Variants in SVOPL observed in about 807,000 individuals in gnomAD.
SVOPL encodes the protein SVOP like.
In SVOPL, 60 loss-of-function variants were observed where a neutral mutation model predicts 61.0. That is an observed-to-expected ratio of 0.98 (90% CI 0.80 to 1.22). SVOPL has a LOEUF of 1.22. SVOPL is among the 50% of genes most tolerant of loss of function. The pLI, the probability that SVOPL is intolerant of heterozygous loss-of-function variation, is 0.00. For synonymous variants in SVOPL, 279 were observed against 250.0 expected (o/e 1.12, Z -1.09); for missense variants, 662 against 643.9 (o/e 1.03, Z -0.30).
chr7:138,671,264 C>T (rs187732583), intron 4 of SVOPL, among the ~76,000 whole-genome samples: 1 of 152,214 alleles, frequency 6.6e-6, no homozygotes, highest in African/African-American at 2.4e-5. Flanking sequence ...GTCTTCTCAG[C>T]ACACATGCAT....
intron 14 of SVOPL, among the ~76,000 whole-genome samples, chr7:138,615,927 G>A (rs951552599): frequency 6.6e-6 from 1 of 152,030 alleles, no homozygotes; most frequent in Non-Finnish European, 1.5e-5. Context: ...CAAGAAGGTA[G>A]CTGTCTCCAA....
chr7:138,657,535 T>C (rs1801805859), intron 6 of SVOPL, among the ~76,000 whole-genome samples: 1 of 152,178 alleles, frequency 6.6e-6, no homozygotes, highest in South Asian at 2.1e-4. Context: ...AAGGCACAAG[T>C]TTCTAATTAA....
At chr7:138,625,169 A>G (rs1016286841) in intron 13 of SVOPL, 1 of 152,228 alleles carries the variant, frequency 6.6e-6, no homozygotes, top group Admixed American at 6.5e-5. Context: ...GATTTTGTTA[A>G]TGGAACTAAA....
At chr7:138,623,663 C>T (rs996671595) in intron 13 of SVOPL, among the ~76,000 whole-genome samples, 8 of 152,078 alleles carry the variant, frequency 5.3e-5, no homozygotes, top group African/African-American at 1.9e-4. Context: ...GCAAATTCCA[C>T]AATATGTTTG....
rs375683784 is a variant in SVOPL, at chr7:138,622,450, G to A, written c.1264-1315C>T. ...GCTGGGATTACAGGCATGCACCACC[G>A]TGCCTGGCTAATTTTTGTATTTTTA... On this transcript the variant is annotated intron_variant, in intron 13 of 15. Coordinates refer to ENST00000674285, the MANE Select transcript of SVOPL (RefSeq NM_001139456.2). 3.2e-4 allele frequency among the ~76,000 whole-genome samples: 48 copies of A among 150,034 alleles called. No individual in the cohort carries two copies. The South Asian group carries it at 3.6e-3, about 11-fold the overall frequency.
intron 9 of SVOPL, among the ~76,000 whole-genome samples, chr7:138,638,593 C>CA (rs1046903744): frequency 8.1e-4 from 121 of 150,118 alleles, no homozygotes; most frequent in African/African-American, 2.0e-3. Context: ...GACCCCATCA[C>CA]AAAAAACAGC....
intron 1 of SVOPL, among the ~76,000 whole-genome samples, chr7:138,692,694 A>C (rs1802969638): frequency 6.6e-6 from 1 of 152,204 alleles, no homozygotes; most frequent in African/African-American, 2.4e-5. Context: ...TAGAGAAATA[A>C]ATAGAATCTT....
chr7:138,606,430 G>A (rs534123829), intron 14 of SVOPL, among the ~76,000 whole-genome samples: 9 of 152,148 alleles, frequency 5.9e-5, no homozygotes, highest in East Asian at 1.9e-4. Context: ...CCTTATCTGC[G>A]TAGTTACTTG....
chr7:138,620,851 T>C (rs1221378411), intron 14 of SVOPL, among the ~76,000 whole-genome samples, 195 bp downstream of exon 14: 1 of 152,210 alleles, frequency 6.6e-6, no homozygotes, highest in Non-Finnish European at 1.5e-5. Flanking sequence ...TACTACCGAC[T>C]GGAAGGCTGA....
At chr7:138,686,562 GTTTTT>G in intron 1 of SVOPL, among the ~76,000 whole-genome samples, 1 of 66,940 alleles carries the variant, frequency 1.5e-5, no homozygotes. Context: ...TGTTTTTTGG[GTTTTT>G]TTTTTTTTTT....
chr7:138,674,224 C>T (rs1802500622), intron 3 of SVOPL, among the ~76,000 whole-genome samples: 1 of 151,384 alleles, frequency 6.6e-6, no homozygotes, highest in Non-Finnish European at 1.5e-5. Context: ...CACACATACA[C>T]AGAAGACCAG....
rs188074511 is a variant in SVOPL, at chr7:138,659,975, G to A, written c.359C>T (p.Ser120Leu). ...GGAGAAATAGGCTCCCCACAGGAAC[G>A]AGATGAGCAGAATCTGAAGCAACAG... ...RYGRWKILLI[S>L]FLWGAYFSLL... Residue 120 changes from serine (S) to leucine (L), a missense_variant, in exon 6 of 16, where the codon TCG (serine) becomes TTG (leucine). Coordinates refer to ENST00000674285, the MANE Select transcript of SVOPL (RefSeq NM_001139456.2). 534 of 1,551,508 alleles carry A rather than the reference G, an allele frequency of 3.4e-4. No homozygotes were observed. The East Asian group carries it at 9.8e-3, about 28-fold the overall frequency.
intron 13 of SVOPL, among the ~76,000 whole-genome samples, chr7:138,622,454 C>T (rs1233562622): frequency 6.6e-6 from 1 of 150,864 alleles, no homozygotes; most frequent in African/African-American, 2.4e-5. Context: ...ACCACCGTGC[C>T]TGGCTAATTT....
chr7:138,686,997 C>T (rs1802832072), intron 1 of SVOPL, among the ~76,000 whole-genome samples: 2 of 152,120 alleles, frequency 1.3e-5, no homozygotes, highest in South Asian at 4.2e-4. Flanking sequence ...ATCAATAATG[C>T]TCAGAGATAA....
intron 3 of SVOPL, among the ~76,000 whole-genome samples, chr7:138,676,821 A>C (rs1802572327): frequency 6.6e-6 from 1 of 151,972 alleles, no homozygotes; most frequent in Non-Finnish European, 1.5e-5. Flanking sequence ...ATAGACACAA[A>C]TGCTCACTTG....
chr7:138,601,295 G>T (rs1798514132), intron 14 of SVOPL, among the ~76,000 whole-genome samples: 1 of 146,018 alleles, frequency 6.8e-6, no homozygotes, highest in South Asian at 2.2e-4. Flanking sequence ...ACCTTGTAAA[G>T]ATATCTGCAC....
chr7:138,607,197 G>A (rs565787865), intron 14 of SVOPL, among the ~76,000 whole-genome samples: 3 of 152,206 alleles, frequency 2.0e-5, no homozygotes, highest in South Asian at 2.1e-4. Flanking sequence ...CGAAAATGCT[G>A]GGGAGATAAT....
chr7:138,637,463 T>TATATATATATATAGATATAG (rs1554463004), intron 9 of SVOPL, among the ~76,000 whole-genome samples: 10 of 19,104 alleles, frequency 5.2e-4, no homozygotes, highest in African/African-American at 1.3e-3. Context: ...TAGATATATA[T>TATATATATATATAGATATAG]ATATAGATAT....
chr7:138,643,659 A>G lies in SVOPL; in HGVS notation c.789+1058T>C, dbSNP rs115739835. Among the ~76,000 whole-genome samples, 759 of 152,060 alleles carry G rather than the reference A, an allele frequency of 5.0e-3. 1 individual carries two copies. The highest frequency in any genetic ancestry group is 0.024 in the Middle Eastern group (7 of 294). On this transcript the variant is annotated intron_variant, in intron 9 of 15. Transcript: ENST00000674285. Reference sequence around the variant, plus strand: ...TGCGAAATGAAATGAACCAGTCACAAAAAGACAAACACTGTATGATTCTAC... The same window carrying G: ...TGCGAAATGAAATGAACCAGTCACAGAAAGACAAACACTGTATGATTCTAC...
Sources: gnomAD v4.1 joint callset for allele counts (sites outside exome capture counted in the v4.1 genomes callset) on GRCh38, gnomAD v4.1.1 for gene constraint, MANE v1.5 for transcripts, NCBI Gene and HGNC (gene_info 2026-07-23, HGNC 2026-07-21) for gene names.